ACACB: variants seen among roughly 807,000 people sequenced by gnomAD.
The protein encoded by ACACB is acetyl-CoA carboxylase beta, also known as acetyl-CoA carboxylase 2.
In ACACB, 209 loss-of-function variants were observed where a neutral mutation model predicts 278.8. The observed-to-expected ratio is 0.75, with a 90% CI of 0.67 to 0.84. ACACB has a LOEUF of 0.84. Ranked by LOEUF, ACACB falls within the 40% of genes least tolerant of loss-of-function variation. ACACB has a pLI of 0.00. For missense variants in ACACB, 2,850 were observed against 3,269.0 expected (o/e 0.87, Z 3.13); for synonymous variants, 1,174 against 1,285.6 (o/e 0.91, Z 1.86).
chr12:109,220,682 G>A (rs1203425859), intron 24 of ACACB, among the ~76,000 whole-genome samples: 1 of 152,072 alleles, frequency 6.6e-6, no homozygotes, highest in Non-Finnish European at 1.5e-5. Context: ...CTCCCGAGTA[G>A]CTGGGACTAC....
intron 11 of ACACB, 59 bp downstream of exon 11, chr12:109,180,146 C>T (rs1194374374): frequency 1.3e-6 from 2 of 1,556,566 alleles, no homozygotes; most frequent in Non-Finnish European, 1.8e-6. Flanking sequence ...GGTCCATGTG[C>T]TGCTCCCATT....
chr12:109,256,329 T>G (rs1374285162), intron 45 of ACACB, 93 bp downstream of exon 45: 32 of 954,200 alleles, frequency 3.4e-5, no homozygotes, highest in Non-Finnish European at 5.1e-5. Flanking sequence ...GGGGCAATTT[T>G]CTTCTTGGCC....
chr12:109,216,655 G>T lies in ACACB; in HGVS notation c.3388G>T (p.Val1130Leu). Reference sequence around the variant, plus strand: ...GATCCGCGGCTATATGAAAACAGTGGTGTTGGATCTCCTGAGAAGATACTT... The same window carrying T: ...GATCCGCGGCTATATGAAAACAGTGTTGTTGGATCTCCTGAGAAGATACTT... ...SGIRGYMKTV[V>L]LDLLRRYLRV... Residue 1130 changes from valine to leucine, a missense_variant, in exon 23 of 53, where the codon GTG (valine) becomes TTG (leucine). By Grantham distance (32) the Val-to-Leu change is conservative (BLOSUM62 1). Around this residue, in one of 3 missense-constraint regions of ACACB, gnomAD observed 2,265 missense variants for 2,561.3 expected, o/e 0.88. Transcript: ENST00000338432. 2 of 1,614,232 alleles carry T rather than the reference G, an allele frequency of 1.2e-6. No homozygotes were observed. Among genetic ancestry groups the T allele is most frequent in the African/African-American group, 1.3e-5 (1 of 75,058 alleles).
rs1210793795 is a variant in ACACB, at chr12:109,197,101, C to T, written c.2575C>T (p.Leu859Phe). Residue 859 changes from leucine (L) to phenylalanine (F), a missense_variant, in exon 17 of 53, where the codon CTC (leucine) becomes TTC (phenylalanine). Leu to Phe is a conservative substitution (Grantham distance 22). This residue lies in a region of ACACB where 2,265 missense variants were observed against 2,561.3 expected (regional missense o/e 0.88). Coordinates refer to ENST00000338432, the MANE Select transcript of ACACB (RefSeq NM_001093.4). The stretch of plus-strand genomic sequence containing the variant: ...CCGGCTGAATGATGGGGGGCTCCTG[C>T]TCTCCTACAATGGGAACAGCTACAC... ...AHRLNDGGLL[L>F]SYNGNSYTTY... 6.2e-7 allele frequency: 1 copy of T among 1,602,566 alleles called. No homozygotes were observed. The highest frequency in any genetic ancestry group is 1.1e-5 in the South Asian group (1 of 89,090).
In ACACB at chr12:109,235,654, C is replaced by T; in HGVS notation, c.4446+7C>T. 3.7e-6 allele frequency: 6 copies of T among 1,608,082 alleles called. No individual in the cohort carries two copies. The highest frequency in any genetic ancestry group is 4.3e-6 in the Non-Finnish European group (5 of 1,175,194). Reference sequence around the variant, plus strand: ...ATTCAGAGCAAGAGATGAGGTATGGCCAAAAGTAATGATGTTTTCTCTTCT... The same window carrying T: ...ATTCAGAGCAAGAGATGAGGTATGGTCAAAAGTAATGATGTTTTCTCTTCT... On this transcript the variant is annotated splice_region_variant and intron_variant, in intron 33 of 52. Transcript: ENST00000338432.
intron 21 of ACACB, among the ~76,000 whole-genome samples, chr12:109,210,634 G>A (rs2045815867): frequency 6.6e-6 from 1 of 150,604 alleles, no homozygotes; most frequent in African/African-American, 2.4e-5. Context: ...TTATACTGAG[G>A]TCGGGTGCAT....
At chr12:109,202,038 C>T (rs1397619424) in intron 19 of ACACB, among the ~76,000 whole-genome samples, 4 of 152,104 alleles carry the variant, frequency 2.6e-5, no homozygotes, top group Non-Finnish European at 5.9e-5. Flanking sequence ...TACACTGGAC[C>T]CCTCCCTCCT....
intron 2 of ACACB, among the ~76,000 whole-genome samples, chr12:109,144,742 C>CTTT (rs2043197753): frequency 8.6e-6 from 1 of 116,550 alleles, no homozygotes; most frequent in African/African-American, 3.3e-5. Context: ...TTTTCTTTTT[C>CTTT]TTTCTTTCTT....
chr12:109,171,475 G>A (rs971344495), intron 4 of ACACB, among the ~76,000 whole-genome samples: 1 of 151,916 alleles, frequency 6.6e-6, no homozygotes, highest in Non-Finnish European at 1.5e-5. Context: ...TCAGCCTCCT[G>A]AGTACCTTGG....
intron 2 of ACACB, among the ~76,000 whole-genome samples, chr12:109,157,016 G>A (rs7957340): frequency 0.45 from 68,678 of 151,020 alleles, 17,068 homozygotes; most frequent in Middle Eastern, 0.67. Flanking sequence ...TGGAAAAAAA[G>A]AAAAACCTCA....
rs142126486 is a variant in ACACB, at chr12:109,206,875, G to A, written c.3060+19G>A. On this transcript the variant is annotated intron_variant, in intron 20 of 52. Transcript: ENST00000338432. Reference sequence around the variant, plus strand: ...CATAAAGGTAAAGTCACCTATGAGCGCAGGCGTGTAGACCAGTGCGGAGGG... The same window carrying A: ...CATAAAGGTAAAGTCACCTATGAGCACAGGCGTGTAGACCAGTGCGGAGGG... The A allele has an allele frequency of 7.4e-6, 12 of 1,614,098 alleles. No homozygotes were observed. Among genetic ancestry groups the A allele is most frequent in the Admixed American group, 6.7e-5 (4 of 60,022 alleles).
At chr12:109,117,300 C>G (rs2042427980) in intron 1 of ACACB, among the ~76,000 whole-genome samples, 1 of 145,030 alleles carries the variant, frequency 6.9e-6, no homozygotes, top group African/African-American at 2.6e-5. Flanking sequence ...GTGGGGGTTG[C>G]AGTGAGCTAA....
chr12:109,135,074 T>G (rs2042933735), intron 1 of ACACB, among the ~76,000 whole-genome samples: 2 of 152,210 alleles, frequency 1.3e-5, no homozygotes, highest in African/African-American at 4.8e-5. Flanking sequence ...ATGTTCAACT[T>G]TTTAAGGAAC....
At position 109,216,723 on chromosome 12, in the gene ACACB, C is replaced by A; in HGVS notation, c.3439+17C>A. ...TTCAGCAAGGCAAGAGATGCTGATG[C>A]CAACACCAGTGGGATGGTGGGGGGC... On this transcript the variant is annotated intron_variant, in intron 23 of 52. Transcript: ENST00000338432. The A allele has an allele frequency of 6.2e-7, 1 of 1,614,094 alleles. No homozygotes were observed. The highest frequency in any genetic ancestry group is 1.1e-5 in the South Asian group (1 of 91,084).
At chr12:109,142,161 G>C (rs1209456690) in intron 2 of ACACB, among the ~76,000 whole-genome samples, 1 of 151,988 alleles carries the variant, frequency 6.6e-6, no homozygotes, top group South Asian at 2.1e-4. Flanking sequence ...AAGCAGGAGG[G>C]TCACTTGAGC....
At chr12:109,197,697 G>A (rs1333840628) in intron 17 of ACACB, among the ~76,000 whole-genome samples, 1 of 152,108 alleles carries the variant, frequency 6.6e-6, no homozygotes, top group African/African-American at 2.4e-5. Context: ...GTGAGATAGT[G>A]AGATAGGCCC....
Position 109,265,543 on chromosome 12 carries a change from C to A in ACACB, c.7250+18C>A, listed in dbSNP as rs1206653120. 2 of 1,611,468 alleles carry A rather than the reference C, an allele frequency of 1.2e-6. No individual in the cohort carries two copies. Among genetic ancestry groups the A allele is most frequent in the African/African-American group, 2.7e-5 (2 of 74,870 alleles). ...ATCCGAGGGTGAGTGGCCACCGCAC[C>A]TGCTTCCCAGCCTCCTGGCAAGGAC... On this transcript the variant is annotated intron_variant, in intron 52 of 52. Coordinates refer to ENST00000338432, the MANE Select transcript of ACACB (RefSeq NM_001093.4).
At chr12:109,154,308 G>T (rs1668902844) in intron 2 of ACACB, among the ~76,000 whole-genome samples, 1 of 152,192 alleles carries the variant, frequency 6.6e-6, no homozygotes, top group Non-Finnish European at 1.5e-5. Context: ...AGAGAAACCA[G>T]GACTTTGGGA....
In ACACB at chr12:109,191,606, C is replaced by T; in HGVS notation, c.2145-7C>T. ...TGGAAAATGATCCATGTGCCTTTCC[C>T]TTCAAGGAACATGGTGGTGGCTTTG... is the stretch of plus-strand genomic sequence containing the variant. On this transcript the variant is annotated splice_polypyrimidine_tract_variant and splice_region_variant and intron_variant, in intron 13 of 52. Coordinates refer to ENST00000338432, the MANE Select transcript of ACACB (RefSeq NM_001093.4). The T allele has an allele frequency of 3.7e-6, 6 of 1,613,978 alleles. No homozygotes were observed. Among genetic ancestry groups the T allele is most frequent in the Non-Finnish European group, 5.1e-6 (6 of 1,179,912 alleles).
Sources: allele counts gnomAD v4.1 joint callset (sites outside exome capture counted in the v4.1 genomes callset), GRCh38; gene constraint gnomAD v4.1.1; regional missense constraint gnomAD v4.1.1; transcripts MANE v1.5; gene names NCBI Gene and HGNC (gene_info 2026-07-23, HGNC 2026-07-21).